The following SUPT3H variants were observed in gnomAD, a reference collection of about 807,000 sequenced individuals.
SUPT3H encodes the protein transcription initiation protein SPT3 homolog.
SUPT3H carries 44 observed loss-of-function variants against 44.3 expected under a neutral mutation model. The ratio of observed to expected loss-of-function variants is 0.99; its 90% CI spans 0.78 to 1.28. SUPT3H has a LOEUF of 1.28. SUPT3H is among the 50% of genes most tolerant of loss of function. The pLI is 0.00. For synonymous variants in SUPT3H, 124 were observed against 125.6 expected (o/e 0.99, Z 0.09); for missense variants, 380 against 387.1 (o/e 0.98, Z 0.15).
intron 2 of SUPT3H, among the ~76,000 whole-genome samples, chr6:45,123,116 A>G (rs754075933): frequency 6.6e-6 from 1 of 152,174 alleles, no homozygotes; most frequent in African/African-American, 2.4e-5. Context: ...TAATTTACAT[A>G]TAAACTTAAT....
chr6:45,303,332 C>A (rs1271562228), intron 2 of SUPT3H, among the ~76,000 whole-genome samples: 2 of 152,072 alleles, frequency 1.3e-5, no homozygotes, highest in Non-Finnish European at 2.9e-5. Context: ...AGTAAACAGA[C>A]AACCCACAGA....
intron 2 of SUPT3H, among the ~76,000 whole-genome samples, chr6:45,121,761 C>T (rs150098364): frequency 3.3e-5 from 5 of 152,108 alleles, no homozygotes; most frequent in South Asian, 2.1e-4. Flanking sequence ...CTGCAATCTC[C>T]GCCTCCCAGC....
At chr6:45,245,950 T>A (rs1026413502) in intron 2 of SUPT3H, among the ~76,000 whole-genome samples, 2 of 152,190 alleles carry the variant, frequency 1.3e-5, no homozygotes, top group African/African-American at 4.8e-5. Flanking sequence ...ACTGTTTTTT[T>A]AATAAATAGC....
chr6:45,020,058 G>A (rs1784893431), intron 4 of SUPT3H, among the ~76,000 whole-genome samples: 1 of 151,708 alleles, frequency 6.6e-6, no homozygotes, highest in South Asian at 2.1e-4. Flanking sequence ...CAGAAATTAT[G>A]GCATATGTTT....
rs371946965 is a variant in SUPT3H, at chr6:45,062,364, T to C, written c.187-41732A>G. The stretch of plus-strand genomic sequence containing the variant: ...CATTATAAATATCATAAAATTATAA[T>C]TCTGAGACACTAACAAATATTACAG... On this transcript the variant is annotated intron_variant, in intron 3 of 10. Transcript: ENST00000371459. Among the ~76,000 whole-genome samples the C allele has an allele frequency of 2.0e-5, 3 of 152,200 alleles. No individual in the cohort carries two copies. In the East Asian group the frequency reaches 5.8e-4, roughly 29 times the overall value.
At chr6:45,174,376 G>C (rs780773875) in intron 2 of SUPT3H, among the ~76,000 whole-genome samples, 17 of 152,186 alleles carry the variant, frequency 1.1e-4, no homozygotes, top group Non-Finnish European at 2.2e-4. Context: ...CATCTCTGGA[G>C]TTTGGTTCCT....
chr6:45,130,547 G>T (rs1223634846), intron 2 of SUPT3H, among the ~76,000 whole-genome samples: 1 of 151,686 alleles, frequency 6.6e-6, no homozygotes, highest in Admixed American at 6.6e-5. Flanking sequence ...TGGGATGGTA[G>T]GTCCATGTGT....
At chr6:45,115,675 T>G (rs559363954) in intron 2 of SUPT3H, among the ~76,000 whole-genome samples, 1 of 152,272 alleles carries the variant, frequency 6.6e-6, no homozygotes, top group African/African-American at 2.4e-5. Flanking sequence ...ATTTTAGAAC[T>G]CCAAAGCCAA....
At chr6:45,090,744 T>C (rs1183665815) in intron 3 of SUPT3H, among the ~76,000 whole-genome samples, 2 of 151,922 alleles carry the variant, frequency 1.3e-5, no homozygotes, top group African/African-American at 4.8e-5. Context: ...GACAAAATAA[T>C]TGAAAAGGAT....
intron 2 of SUPT3H, among the ~76,000 whole-genome samples, chr6:45,116,454 T>C (rs987484258): frequency 2.0e-5 from 3 of 152,212 alleles, no homozygotes; most frequent in East Asian, 1.9e-4. Flanking sequence ...GGTATATTTA[T>C]ATATGTCATT....
At chr6:45,086,532 T>C (rs188089196) in intron 3 of SUPT3H, among the ~76,000 whole-genome samples, 5 of 152,156 alleles carry the variant, frequency 3.3e-5, no homozygotes, top group South Asian at 2.1e-4. Flanking sequence ...AGACTAAGCA[T>C]ACATAAACTA....
chr6:44,970,581 T>G (rs115165578), intron 6 of SUPT3H, among the ~76,000 whole-genome samples: 2,305 of 152,270 alleles, frequency 0.015, 64 homozygotes, highest in African/African-American at 0.053. Flanking sequence ...ACCCTTTTTT[T>G]TTTTTGGTGA....
chr6:45,309,529 C>T (rs531285987), intron 2 of SUPT3H, among the ~76,000 whole-genome samples: 13 of 151,022 alleles, frequency 8.6e-5, no homozygotes, highest in South Asian at 6.3e-4. Context: ...GCAAATATTT[C>T]GGTCATAGGA....
At chr6:44,938,496 T>G (rs1771866547) in intron 9 of SUPT3H, among the ~76,000 whole-genome samples, 1 of 152,204 alleles carries the variant, frequency 6.6e-6, no homozygotes, top group Non-Finnish European at 1.5e-5. Flanking sequence ...TAATCTGAAG[T>G]CAGGAAATGT....
At chr6:45,090,740 A>G (rs1010030939) in intron 3 of SUPT3H, among the ~76,000 whole-genome samples, 1 of 151,980 alleles carries the variant, frequency 6.6e-6, no homozygotes, top group Non-Finnish European at 1.5e-5. Context: ...CATAGACAAA[A>G]TAATTGAAAA....
chr6:44,981,222 A>G (rs1004031403), intron 6 of SUPT3H, among the ~76,000 whole-genome samples: 1 of 152,200 alleles, frequency 6.6e-6, no homozygotes, highest in African/African-American at 2.4e-5. Context: ...AGGAACTTGA[A>G]AGTAACAGAG....
intron 2 of SUPT3H, among the ~76,000 whole-genome samples, chr6:45,142,057 A>T (rs1333449682): frequency 6.6e-6 from 1 of 152,194 alleles, no homozygotes; most frequent in Non-Finnish European, 1.5e-5. Context: ...TTCTCACCAG[A>T]AACCTTACAA....
chr6:44,893,270 A>C (rs1763582752), intron 10 of SUPT3H, among the ~76,000 whole-genome samples: 1 of 152,218 alleles, frequency 6.6e-6, no homozygotes, highest in South Asian at 2.1e-4. Context: ...GTACATGTGC[A>C]CAATGTGCAG....
At chr6:45,204,569 GC>G (rs1257107467) in intron 2 of SUPT3H, among the ~76,000 whole-genome samples, 2 of 152,130 alleles carry the variant, frequency 1.3e-5, no homozygotes, top group Non-Finnish European at 2.9e-5. Flanking sequence ...CTCCACCTCT[GC>G]ATCAAACAGA....
Sources: allele counts gnomAD v4.1 joint callset (sites outside exome capture counted in the v4.1 genomes callset), GRCh38; gene constraint gnomAD v4.1.1; transcripts MANE v1.5; gene names NCBI Gene and HGNC (gene_info 2026-07-23, HGNC 2026-07-21).